RALGPS1: variants seen among roughly 807,000 people sequenced by gnomAD.
RALGPS1 encodes Ral GEF with PH domain and SH3 binding motif 1.
A neutral mutation model predicts 78.8 loss-of-function variants in RALGPS1; 19 were observed. The observed-to-expected ratio is 0.24, with a 90% CI of 0.17 to 0.35. The LOEUF is 0.35. RALGPS1 is among the 10% of genes least tolerant of loss of function. The pLI is 1.00. For missense variants in RALGPS1, 454 were observed against 688.3 expected (o/e 0.66, Z 3.81); for synonymous variants, 228 against 256.3 (o/e 0.89, Z 1.06).
intron 1 of RALGPS1, among the ~76,000 whole-genome samples, chr9:126,929,652 C>T (rs917439528): frequency 2.6e-5 from 4 of 151,986 alleles, no homozygotes; most frequent in East Asian, 1.9e-4. Flanking sequence ...TAAGTAGAGA[C>T]GGAGTTTCTC....
rs576803650 is a variant in RALGPS1 at position 126,965,827 on chromosome 9, T to C, written c.58-17T>C. The C allele has an allele frequency of 6.9e-6, 11 of 1,604,110 alleles. No homozygotes were observed. The highest frequency in any genetic ancestry group is 9.4e-6 in the Non-Finnish European group (11 of 1,171,882). On this transcript the variant is annotated splice_polypyrimidine_tract_variant and intron_variant, in intron 2 of 18. Transcript: ENST00000259351. ...TCATATCATTCAGTTGGCACCATCT[T>C]TCCCTGCTCTCCACAGGGCAGCAGC...
At chr9:126,976,111 C>T (rs2040594986) in intron 3 of RALGPS1, among the ~76,000 whole-genome samples, 1 of 152,136 alleles carries the variant, frequency 6.6e-6, no homozygotes, top group Non-Finnish European at 1.5e-5. Context: ...ATTCTTAATA[C>T]AAGGGTTTTT....
chr9:126,971,466 C>A (rs1310795731), intron 3 of RALGPS1, among the ~76,000 whole-genome samples: 4 of 151,818 alleles, frequency 2.6e-5, no homozygotes, highest in African/African-American at 7.3e-5. Context: ...ATTAGATTAC[C>A]ATCAGTCTTT....
chr9:127,206,525 G>A (rs2061939441), intron 14 of RALGPS1, among the ~76,000 whole-genome samples: 1 of 152,130 alleles, frequency 6.6e-6, no homozygotes, highest in Non-Finnish European at 1.5e-5. Context: ...CATGAGAACA[G>A]CAGCATGGGG....
intron 8 of RALGPS1, among the ~76,000 whole-genome samples, chr9:127,118,503 G>C (rs2055690354): frequency 6.6e-6 from 1 of 152,114 alleles, no homozygotes; most frequent in African/African-American, 2.4e-5. Flanking sequence ...GATGGCAGCA[G>C]GCTGGGGTGG....
intron 14 of RALGPS1, 37 bp downstream of exon 14, chr9:127,199,103 C>G: frequency 6.3e-7 from 1 of 1,597,618 alleles, no homozygotes; most frequent in Non-Finnish European, 8.6e-7. Context: ...CTCCCAGGGG[C>G]GGTGCTCAGG....
chr9:126,948,110 C>T (rs1000341597), intron 1 of RALGPS1, among the ~76,000 whole-genome samples: 2 of 152,194 alleles, frequency 1.3e-5, no homozygotes, highest in Non-Finnish European at 2.9e-5. Flanking sequence ...ACTGTGTTAA[C>T]CCTGGGGACA....
intron 8 of RALGPS1, chr9:127,107,065 G>A (rs2054289052): frequency 6.6e-6 from 1 of 152,218 alleles, no homozygotes; most frequent in Non-Finnish European, 1.5e-5. Flanking sequence ...TGACAGGGGA[G>A]CCTCTGGCCT....
At chr9:127,111,682 A>G (rs922689219) in intron 8 of RALGPS1, among the ~76,000 whole-genome samples, 1 of 152,338 alleles carries the variant, frequency 6.6e-6, no homozygotes, top group South Asian at 2.1e-4. Flanking sequence ...AGTGTTTTCC[A>G]GTTTCCCGTG....
In RALGPS1 at chr9:127,091,883, G is replaced by T; in HGVS notation, c.610+22527G>T. ...AGTTTGTAGTTGCCTTGGTTCGTCA[G>T]CCAGTAAATGTTCTCCAGGCCCAGC... On this transcript the variant is annotated intron_variant, in intron 8 of 18. Coordinates refer to ENST00000259351, the MANE Select transcript of RALGPS1 (RefSeq NM_014636.3). This position sits in a 1 kb window ranked among gnomAD's most constrained non-coding sequence, Gnocchi z 4.3. 1 of 1,614,136 alleles carries T rather than the reference G, an allele frequency of 6.2e-7. No homozygotes were observed. Among genetic ancestry groups the T allele is most frequent in the Non-Finnish European group, 8.5e-7 (1 of 1,180,032 alleles).
intron 11 of RALGPS1, among the ~76,000 whole-genome samples, chr9:127,191,249 A>C (rs114695827): frequency 6.6e-6 from 1 of 152,092 alleles, no homozygotes; most frequent in African/African-American, 2.4e-5. Flanking sequence ...AATGTTGTCA[A>C]ATTTATTCAT....
chr9:127,177,984 G>A, intron 11 of RALGPS1: 1 of 1,543,476 alleles, frequency 6.5e-7, no homozygotes. Context: ...TGGTTCACAT[G>A]AAGAGACTTT....
intron 8 of RALGPS1, among the ~76,000 whole-genome samples, chr9:127,128,830 G>C (rs1266778428): frequency 1.3e-5 from 2 of 152,200 alleles, no homozygotes; most frequent in Non-Finnish European, 2.9e-5. Context: ...TGTCACAAAG[G>C]ATATCCAGGC....
At chr9:126,984,567 T>C (rs1370785946) in intron 4 of RALGPS1, among the ~76,000 whole-genome samples, 1 of 152,242 alleles carries the variant, frequency 6.6e-6, no homozygotes, top group African/African-American at 2.4e-5. Flanking sequence ...TTGTTTTTGG[T>C]GAGCAGTCTG....
At chr9:127,043,972 T>C (rs146506907) in intron 5 of RALGPS1, among the ~76,000 whole-genome samples, 1 of 152,340 alleles carries the variant, frequency 6.6e-6, no homozygotes, top group African/African-American at 2.4e-5. Flanking sequence ...CAAACTCTTA[T>C]TCATTGCTGG....
intron 4 of RALGPS1, among the ~76,000 whole-genome samples, chr9:126,998,718 C>A (rs1191119882): frequency 6.6e-6 from 1 of 152,056 alleles, no homozygotes; most frequent in South Asian, 2.1e-4. Context: ...CACATGCACA[C>A]GTATGTTTAT....
chr9:127,142,227 C>T (rs1746859840), intron 8 of RALGPS1, among the ~76,000 whole-genome samples: 1 of 152,166 alleles, frequency 6.6e-6, no homozygotes, highest in African/African-American at 2.4e-5. Context: ...CCTTACAGAC[C>T]AGCCTCATAT....
intron 8 of RALGPS1, chr9:127,108,048 G>C: frequency 1.2e-6 from 2 of 1,611,720 alleles, no homozygotes; most frequent in Non-Finnish European, 8.5e-7. Flanking sequence ...GGTTGTAGGT[G>C]GGTGGTTGGT....
At chr9:126,937,816 T>G (rs2036402084) in intron 1 of RALGPS1, among the ~76,000 whole-genome samples, 1 of 152,162 alleles carries the variant, frequency 6.6e-6, no homozygotes, top group African/African-American at 2.4e-5. Context: ...TAGGGGTGCT[T>G]GGCTAAAGAT....
Sources: allele counts gnomAD v4.1 joint callset (sites outside exome capture counted in the v4.1 genomes callset), GRCh38; gene constraint gnomAD v4.1.1; non-coding constraint Gnocchi (gnomAD v3.1); transcripts MANE v1.5; gene names NCBI Gene and HGNC (gene_info 2026-07-23, HGNC 2026-07-21).